Variants in GALNT17 observed in about 807,000 individuals in gnomAD.
GALNT17 encodes UDP-GalNAc:polypeptide N-acetylgalactosaminyltransferase-like 3.
In GALNT17, 29 loss-of-function variants were observed where a neutral mutation model predicts 63.7. That is an observed-to-expected ratio of 0.46 (90% CI 0.34 to 0.62). GALNT17 has a LOEUF of 0.62. GALNT17 is among the 20% of genes least tolerant of loss of function. The pLI is 0.01. For missense variants in GALNT17, 603 were observed against 799.6 expected, an observed-to-expected ratio of 0.75 and a Z score of 2.97; for synonymous variants, 305 against 318.3, an observed-to-expected ratio of 0.96 and a Z score of 0.45.
chr7:71,158,213 T>C (rs1348167095), intron 1 of GALNT17, among the ~76,000 whole-genome samples: 1 of 151,396 alleles, frequency 6.6e-6, no homozygotes, highest in Non-Finnish European at 1.5e-5. Flanking sequence ...CTCCATATGG[T>C]TCTCCATAGT....
chr7:71,415,894 C>T lies in GALNT17; in HGVS notation c.595C>T (p.Leu199=). Residue 199 remains leucine, a synonymous_variant, in exon 4 of 11, where the codon CTG becomes TTG. Coordinates refer to ENST00000333538, the MANE Select transcript of GALNT17 (RefSeq NM_022479.3). ...LVDDNSDEEE[L]KVPLEEYVHK... ...TGCATTTTTGTCATTTGCAGAGGAG[C>T]TGAAGGTCCCCCTAGAGGAGTATGT... 2 of 1,583,362 alleles carry T rather than the reference C, an allele frequency of 1.3e-6. No individual in the cohort carries two copies. The highest frequency in any genetic ancestry group is 1.2e-5 in the South Asian group (1 of 85,158).
chr7:71,356,522 G>A (rs946365360), intron 2 of GALNT17, among the ~76,000 whole-genome samples: 2 of 152,198 alleles, frequency 1.3e-5, no homozygotes, highest in Non-Finnish European at 2.9e-5. Context: ...CCAGCCTGCA[G>A]AGATTGCATG....
At chr7:71,643,588 T>A (rs1362120600) in intron 6 of GALNT17, among the ~76,000 whole-genome samples, 1 of 152,174 alleles carries the variant, frequency 6.6e-6, no homozygotes, top group Non-Finnish European at 1.5e-5. Flanking sequence ...CAGAGAAACA[T>A]TGTGGCTAAG....
Position 71,479,592 on chromosome 7 carries a change from T to TTTC in GALNT17, c.962+58488_962+58490dup, listed in dbSNP as rs199635915. On this transcript the variant is annotated intron_variant, in intron 5 of 10. Transcript: ENST00000333538. ...CAGTCTTAGAGAATGACTTTTTTTTTTTCCTGTGCTGGAACTCATTCATTT... is the reference window on the plus strand; with the variant it reads ...CAGTCTTAGAGAATGACTTTTTTTTTTTCTTCCTGTGCTGGAACTCATTCATTT... 1.1e-4 allele frequency among the ~76,000 whole-genome samples: 16 copies of TTTC among 152,328 alleles called. No homozygotes were observed. The East Asian group carries it at 2.9e-3, about 28-fold the overall frequency.
At chr7:71,572,504 TAAAAAAAAAAAAAAA>T (rs371372359) in intron 6 of GALNT17, among the ~76,000 whole-genome samples, 2 of 44,502 alleles carry the variant, frequency 4.5e-5, no homozygotes, top group East Asian at 1.5e-3. Context: ...CCTGTCTCAT[TAAAAAAAAAAAAAAA>T]AAAAAAAAAA....
chr7:71,405,732 T>G (rs1052626499), intron 3 of GALNT17, among the ~76,000 whole-genome samples: 201 of 152,268 alleles, frequency 1.3e-3, no homozygotes, highest in African/African-American at 4.4e-3. Flanking sequence ...ACCAGCTCCC[T>G]GGGGCCTCTT....
intron 1 of GALNT17, among the ~76,000 whole-genome samples, chr7:71,196,870 T>C (rs1789059406): frequency 6.6e-6 from 1 of 152,036 alleles, no homozygotes; most frequent in Admixed American, 6.5e-5. Context: ...GCCAGGCTGG[T>C]CTCAAACTCC....
chr7:71,187,838 C>T (rs1417404859), intron 1 of GALNT17, among the ~76,000 whole-genome samples: 1 of 152,168 alleles, frequency 6.6e-6, no homozygotes. Flanking sequence ...GCGCACCTAT[C>T]ACCCGAGCAG....
At chr7:71,201,239 T>TATA (rs1554338078) in intron 1 of GALNT17, among the ~76,000 whole-genome samples, 4,110 of 101,574 alleles carry the variant, frequency 0.04, 92 homozygotes, top group Middle Eastern at 0.057. Context: ...GTGTGTTTAT[T>TATA]TTTATATATA....
At chr7:71,663,906 T>C (rs868262156) in intron 6 of GALNT17, among the ~76,000 whole-genome samples, 1 of 152,214 alleles carries the variant, frequency 6.6e-6, no homozygotes, top group Non-Finnish European at 1.5e-5. Context: ...CTGTCACTTA[T>C]GCAGAGCATA....
chr7:71,265,118 A>ATTTTTTT lies in GALNT17; in HGVS notation c.239-70412_239-70406dup, dbSNP rs60738546. ...AAATATTATATATATATATATATAT[A>ATTTTTTT]TTTTTTTTTTTTTTTTTTTTTTTTT... is the stretch of plus-strand genomic sequence containing the variant. On this transcript the variant is annotated intron_variant, in intron 1 of 10. Transcript: ENST00000333538. Among the ~76,000 whole-genome samples the ATTTTTTT allele has an allele frequency of 1.4e-3, 51 of 37,416 alleles. 1 individual carries two copies. The highest frequency in any genetic ancestry group is 2.0e-3 in the Non-Finnish European group (30 of 14,658). 24.5% of individuals were successfully genotyped at this position (37,416 alleles called of 152,430 possible). A position where few individuals can be genotyped will look rare whatever the true frequency, so the allele number is the denominator to read the frequency against.
intron 4 of GALNT17, among the ~76,000 whole-genome samples, chr7:71,418,621 A>G (rs1786595811): frequency 6.6e-6 from 1 of 152,198 alleles, no homozygotes; most frequent in South Asian, 2.1e-4. Flanking sequence ...CTCACATCCC[A>G]TTGGCAAACC....
intron 5 of GALNT17, among the ~76,000 whole-genome samples, chr7:71,534,328 A>T (rs140249457): frequency 3.5e-4 from 53 of 152,226 alleles, no homozygotes; most frequent in Non-Finnish European, 6.3e-4. Flanking sequence ...GGCCGGGCAC[A>T]GTGTGTCACA....
intron 1 of GALNT17, among the ~76,000 whole-genome samples, chr7:71,319,387 G>A (rs761145430): frequency 2.0e-5 from 3 of 151,944 alleles, no homozygotes; most frequent in Non-Finnish European, 4.4e-5. Flanking sequence ...TTCCTTCTAC[G>A]TTCTTCTGTT....
Position 71,571,011 on chromosome 7 carries a change from A to C in GALNT17, c.963-274A>C, listed in dbSNP as rs898249458. 9.9e-5 allele frequency among the ~76,000 whole-genome samples: 15 copies of C among 152,262 alleles called. 1 individual carries two copies. Among genetic ancestry groups the C allele is most frequent in the Admixed American group, 7.2e-4 (11 of 15,274 alleles). On this transcript the variant is annotated intron_variant, in intron 5 of 10. Coordinates refer to ENST00000333538, the MANE Select transcript of GALNT17 (RefSeq NM_022479.3). ...AAACAAAAACAAAAAACAGCCTTACAGAGTAACAGAGAGAGGAGGTGTGGG... is the reference window on the plus strand; with the variant it reads ...AAACAAAAACAAAAAACAGCCTTACCGAGTAACAGAGAGAGGAGGTGTGGG...
At chr7:71,433,782 G>A (rs1786910535) in intron 5 of GALNT17, among the ~76,000 whole-genome samples, 2 of 152,172 alleles carry the variant, frequency 1.3e-5, no homozygotes, top group South Asian at 4.1e-4. Context: ...TTAATACTGG[G>A]TGTCAACTTG....
intron 5 of GALNT17, among the ~76,000 whole-genome samples, chr7:71,505,610 G>T (rs145066297): frequency 3.6e-4 from 55 of 152,162 alleles, no homozygotes; most frequent in African/African-American, 1.3e-3. Flanking sequence ...AGAAAAAGAA[G>T]TCAGCTCTCC....
chr7:71,162,499 C>G (rs1191670652), intron 1 of GALNT17, among the ~76,000 whole-genome samples: 1 of 151,916 alleles, frequency 6.6e-6, no homozygotes, highest in East Asian at 1.9e-4. Flanking sequence ...AGAATGTGAG[C>G]TCCTTGCTCA....
At position 71,707,150 on chromosome 7, in the gene GALNT17, A is replaced by G. The variant is rs113259103; in HGVS notation, c.1501-3611A>G. ...ATTCTCTTTACAATGGTTAGAAATG[A>G]TGCAGAGTATTTTTTTTTAATTTAT... On this transcript the variant is annotated intron_variant, in intron 9 of 10. Transcript: ENST00000333538. 5.1e-3 allele frequency among the ~76,000 whole-genome samples: 706 copies of G among 138,262 alleles called. 5 individuals carry two copies. The highest frequency in any genetic ancestry group is 9.1e-3 in the Non-Finnish European group (543 of 59,900). The allele number at this position is 138,262 out of a possible 152,430, so 90.7% of individuals were successfully genotyped here.
Sources: allele counts gnomAD v4.1 joint callset (sites outside exome capture counted in the v4.1 genomes callset), GRCh38; gene constraint gnomAD v4.1.1; transcripts MANE v1.5; gene names NCBI Gene and HGNC (gene_info 2026-07-23, HGNC 2026-07-21).